ENTREP1: variants seen among roughly 807,000 people sequenced by gnomAD.
ENTREP1 encodes endosomal transmembrane epsin interactor 1.
At chr9:69,383,783 T>C in the ENTREP1 span, 1 of 1,613,970 alleles carries the variant, frequency 6.2e-7, no homozygotes, top group Non-Finnish European at 8.5e-7. Context: ...TGAATCTCTC[T>C]AAGTACATTG....
the ENTREP1 span, among the ~76,000 whole-genome samples, chr9:69,365,831 C>T: frequency 0.8 from 122,403 of 152,064 alleles, 49,345 homozygotes; most frequent in South Asian, 0.86. Flanking sequence ...TCCAGTTCCA[C>T]TCAGGTTGCT....
the ENTREP1 span, chr9:69,388,507 A>C: frequency 7.4e-7 from 1 of 1,353,766 alleles, no homozygotes. Context: ...ATAGCAGCTA[A>C]AGTGGCTTCT....
chr9:69,344,986 A>G, the ENTREP1 span, among the ~76,000 whole-genome samples: 2 of 152,214 alleles, frequency 1.3e-5, no homozygotes, highest in African/African-American at 4.8e-5. Context: ...AATGCTTAAG[A>G]CCATGATTTT....
At chr9:69,326,914 G>A in the ENTREP1 span, among the ~76,000 whole-genome samples, 7 of 150,966 alleles carry the variant, frequency 4.6e-5, no homozygotes, top group Admixed American at 2.6e-4. Context: ...GTCTAGCAAT[G>A]CTGCTAGGTT....
chr9:69,383,418 G>A, the ENTREP1 span: 1 of 1,398,720 alleles, frequency 7.1e-7, no homozygotes, highest in South Asian at 1.6e-5. Context: ...TGATGGGGTT[G>A]CATTTTATAC....
the ENTREP1 span, among the ~76,000 whole-genome samples, chr9:69,367,310 C>G: frequency 6.6e-6 from 1 of 151,676 alleles, no homozygotes; most frequent in African/African-American, 2.4e-5. Flanking sequence ...ATGCCTCCAG[C>G]TTTTCTCAGG....
At chr9:69,367,678 TAA>T in the ENTREP1 span, among the ~76,000 whole-genome samples, 13 of 129,302 alleles carry the variant, frequency 1.0e-4, no homozygotes, top group Admixed American at 5.2e-4. Context: ...CACACATATA[TAA>T]ATATATATAT....
chr9:69,329,442 C>G, the ENTREP1 span: 4 of 984,092 alleles, frequency 4.1e-6, no homozygotes, highest in Non-Finnish European at 4.8e-6. Flanking sequence ...CTTGTTTGAA[C>G]TTTGAAGGTA....
the ENTREP1 span, among the ~76,000 whole-genome samples, chr9:69,342,298 C>G: frequency 2.8e-3 from 428 of 152,278 alleles, 5 homozygotes; most frequent in Middle Eastern, 0.014. Context: ...GTCCAGTTCA[C>G]AATGAGTTGA....
At chr9:69,367,714 T>TAC in the ENTREP1 span, among the ~76,000 whole-genome samples, 8 of 82,512 alleles carry the variant, frequency 9.7e-5, no homozygotes, top group South Asian at 3.8e-3. Flanking sequence ...AATATATATA[T>TAC]ACACATATAT....
the ENTREP1 span, among the ~76,000 whole-genome samples, chr9:69,343,958 T>C: frequency 6.6e-6 from 1 of 152,240 alleles, no homozygotes; most frequent in South Asian, 2.1e-4. Context: ...TTGCCAGTGC[T>C]AAAGTGCATT....
the ENTREP1 span, among the ~76,000 whole-genome samples, chr9:69,353,301 CA>C: frequency 1.3e-5 from 2 of 152,142 alleles, no homozygotes; most frequent in African/African-American, 2.4e-5. Flanking sequence ...AATCTTTTTT[CA>C]ATGTTTTGTT....
At chr9:69,371,104 T>C in the ENTREP1 span, among the ~76,000 whole-genome samples, 10 of 152,304 alleles carry the variant, frequency 6.6e-5, no homozygotes, top group African/African-American at 2.4e-4. Flanking sequence ...CTCCTTCATG[T>C]CCCTGTGTTT....
chr9:69,363,784 G>C, the ENTREP1 span, among the ~76,000 whole-genome samples: 2 of 152,198 alleles, frequency 1.3e-5, no homozygotes, highest in Non-Finnish European at 2.9e-5. Flanking sequence ...CCAGAGGGCA[G>C]AGTAGCCCCA....
At chr9:69,377,313 T>C in the ENTREP1 span, 1 of 984,648 alleles carries the variant, frequency 1.0e-6, no homozygotes, top group South Asian at 1.3e-5. Context: ...TTTTCTACAT[T>C]GTATTCTGGT....
the ENTREP1 span, among the ~76,000 whole-genome samples, chr9:69,364,273 C>T: frequency 1.7e-4 from 26 of 152,072 alleles, no homozygotes; most frequent in Non-Finnish European, 3.1e-4. Flanking sequence ...AGAAAAGTCT[C>T]ACAGAATTGG....
chr9:69,349,437 A>G, the ENTREP1 span, among the ~76,000 whole-genome samples: 1 of 152,110 alleles, frequency 6.6e-6, no homozygotes, highest in Non-Finnish European at 1.5e-5. Flanking sequence ...TTTTGCCAAC[A>G]CTGATCGTCT....
At chr9:69,330,075 T>A in the ENTREP1 span, among the ~76,000 whole-genome samples, 1 of 130,764 alleles carries the variant, frequency 7.6e-6, no homozygotes. Flanking sequence ...CACTGGGGTA[T>A]GGGAGTTAAC....
the ENTREP1 span, among the ~76,000 whole-genome samples, chr9:69,334,506 G>A: frequency 6.6e-6 from 1 of 152,198 alleles, no homozygotes; most frequent in Admixed American, 6.5e-5. Context: ...TTACTGATCT[G>A]TAGTTGATAA....
Sources: gnomAD v4.1 joint callset for allele counts (sites outside exome capture counted in the v4.1 genomes callset) on GRCh38, gnomAD v4.1.1 for gene constraint, MANE v1.5 for transcripts, NCBI Gene and HGNC (gene_info 2026-07-23, HGNC 2026-07-21) for gene names.